The following MAF variants were observed in gnomAD, a reference collection of about 807,000 sequenced individuals.
MAF encodes transcription factor Maf.
Under a neutral mutation model 22.0 loss-of-function variants are expected in MAF, and 10 were observed. The observed-to-expected ratio is 0.45, with a 90% CI of 0.28 to 0.77. MAF has a LOEUF of 0.77. Among genes scored for constraint, MAF ranks in the 30% least tolerant of loss-of-function variants. MAF has a pLI of 0.12. For synonymous variants in MAF, 337 were observed against 255.8 expected (o/e 1.32, Z -3.03); for missense variants, 544 against 548.4 (o/e 0.99, Z 0.08).
the MAF span, among the ~76,000 whole-genome samples, chr16:79,224,871 A>T: frequency 3.9e-5 from 6 of 152,334 alleles, no homozygotes; most frequent in South Asian, 6.2e-4. Flanking sequence ...GAGGACACAA[A>T]CAAATGGATA....
At chr16:79,311,222 C>T in the MAF span, among the ~76,000 whole-genome samples, 1 of 151,984 alleles carries the variant, frequency 6.6e-6, no homozygotes, top group African/African-American at 2.4e-5. Context: ...CGCCTTTGTC[C>T]AAAAAGCTTC....
chr16:79,562,499 A>T, the MAF span, among the ~76,000 whole-genome samples: 3 of 152,204 alleles, frequency 2.0e-5, no homozygotes, highest in African/African-American at 7.2e-5. Context: ...TTGTAGGCTT[A>T]AAGGCCCATT....
the MAF span, among the ~76,000 whole-genome samples, chr16:79,214,252 G>C: frequency 6.6e-6 from 1 of 152,016 alleles, no homozygotes; most frequent in East Asian, 1.9e-4. Context: ...CATGAAATTT[G>C]TCTGTTTTCT....
At chr16:79,339,750 CAA>C in the MAF span, among the ~76,000 whole-genome samples, 1 of 152,190 alleles carries the variant, frequency 6.6e-6, no homozygotes, top group Middle Eastern at 3.4e-3. Flanking sequence ...ACTTTTTACA[CAA>C]AAGAAACAAA....
intron 1 of MAF, 99 bp from the exon 2 acceptor site, chr16:79,594,652 TA>T (rs1281996413): frequency 1.3e-4 from 188 of 1,474,304 alleles, no homozygotes; most frequent in Middle Eastern, 1.2e-3. Flanking sequence ...TTTTTTTTTT[TA>T]AATTTAGAGA....
the MAF span, among the ~76,000 whole-genome samples, chr16:79,537,831 C>T: frequency 1.3e-5 from 2 of 152,210 alleles, no homozygotes; most frequent in Non-Finnish European, 2.9e-5. Context: ...CTCAGAATGA[C>T]AGTCGCCGTT....
At chr16:79,272,955 G>C in the MAF span, among the ~76,000 whole-genome samples, 2 of 152,096 alleles carry the variant, frequency 1.3e-5, no homozygotes, top group African/African-American at 4.8e-5. Context: ...CTCCTCTTCT[G>C]CATTTCATGT....
the MAF span, among the ~76,000 whole-genome samples, chr16:79,359,803 G>GA: frequency 4.5e-4 from 68 of 152,256 alleles, no homozygotes; most frequent in African/African-American, 1.6e-3. Context: ...CTGGCATTCA[G>GA]GAGGGAGTCC....
chr16:79,495,825 C>G, the MAF span, among the ~76,000 whole-genome samples: 1 of 152,156 alleles, frequency 6.6e-6, no homozygotes, highest in African/African-American at 2.4e-5. Context: ...TATTTGAGCA[C>G]CAGCCACACG....
the MAF span, among the ~76,000 whole-genome samples, chr16:79,512,340 T>C: frequency 5.6e-3 from 853 of 152,270 alleles, 6 homozygotes; most frequent in Middle Eastern, 0.027. Context: ...CAGCTCAGGG[T>C]ACTGGTCTCT....
At chr16:79,265,901 G>A in the MAF span, among the ~76,000 whole-genome samples, 1 of 152,246 alleles carries the variant, frequency 6.6e-6, no homozygotes, top group Non-Finnish European at 1.5e-5. Flanking sequence ...TGATGACTGA[G>A]ATGGCTGCTA....
chr16:79,450,588 C>A, the MAF span, among the ~76,000 whole-genome samples: 31 of 152,230 alleles, frequency 2.0e-4, 1 homozygote, highest in African/African-American at 7.2e-4. Flanking sequence ...TATTGTGATT[C>A]CTACAGTTGT....
the MAF span, among the ~76,000 whole-genome samples, chr16:79,337,568 A>AAAAACAAAACAAAACAAAAC: frequency 6.6e-6 from 1 of 151,442 alleles, no homozygotes; most frequent in Non-Finnish European, 1.5e-5. Context: ...ATTCCGTCTC[A>AAAAACAAAACAAAACAAAAC]AAAACAAAAC....
the MAF span, among the ~76,000 whole-genome samples, chr16:79,563,733 G>A: frequency 1.4e-5 from 2 of 145,048 alleles, no homozygotes; most frequent in African/African-American, 2.7e-5. Context: ...TAATTAGCTA[G>A]CAAACACACA....
chr16:79,313,769 A>G, the MAF span, among the ~76,000 whole-genome samples: 4 of 152,152 alleles, frequency 2.6e-5, no homozygotes, highest in Admixed American at 2.0e-4. Flanking sequence ...AGAAATCCCT[A>G]GGATTTCAGC....
the MAF span, among the ~76,000 whole-genome samples, chr16:79,359,706 T>TG: frequency 6.6e-6 from 1 of 152,192 alleles, no homozygotes; most frequent in Non-Finnish European, 1.5e-5. Context: ...GCCAAGAGCT[T>TG]GGGGGTCAAG....
chr16:79,232,111 T>C, the MAF span, among the ~76,000 whole-genome samples: 1 of 152,080 alleles, frequency 6.6e-6, no homozygotes, highest in African/African-American at 2.4e-5. Context: ...GATGAAGTTT[T>C]GTTCCCTCAC....
chr16:79,539,884 G>C, the MAF span, among the ~76,000 whole-genome samples: 1 of 152,048 alleles, frequency 6.6e-6, no homozygotes, highest in Non-Finnish European at 1.5e-5. Context: ...AGGTAAAAAT[G>C]GTGATTTTTT....
At chr16:79,292,697 C>G in the MAF span, among the ~76,000 whole-genome samples, 1 of 152,094 alleles carries the variant, frequency 6.6e-6, no homozygotes, top group African/African-American at 2.4e-5. Flanking sequence ...GGATGAGATA[C>G]AAGGTTAGCA....
Sources: allele counts gnomAD v4.1 joint callset (sites outside exome capture counted in the v4.1 genomes callset), GRCh38; gene constraint gnomAD v4.1.1; transcripts MANE v1.5; gene names NCBI Gene and HGNC (gene_info 2026-07-23, HGNC 2026-07-21).